The following TRAF3 variants were observed in gnomAD, a reference collection of about 807,000 sequenced individuals.
The protein encoded by TRAF3 is TNF receptor associated factor 3.
In TRAF3, 13 loss-of-function variants were observed where a neutral mutation model predicts 62.3. The ratio of observed to expected loss-of-function variants is 0.21; its 90% CI spans 0.14 to 0.33. The LOEUF is 0.33. Among genes scored for constraint, TRAF3 ranks in the 10% least tolerant of loss-of-function variants. The probability of loss-of-function intolerance (pLI) is 1.00; values close to 1 mark genes in which losing one functional copy is unlikely to be tolerated. For synonymous variants in TRAF3, 269 were observed against 283.4 expected (o/e 0.95, Z 0.51); for missense variants, 440 against 741.8 (o/e 0.59, Z 4.73).
At chr14:102,853,875 ACTAT>A (rs1887203623) in intron 2 of TRAF3, among the ~76,000 whole-genome samples, 1 of 151,382 alleles carries the variant, frequency 6.6e-6, no homozygotes, top group Non-Finnish European at 1.5e-5. Context: ...AACCATCACT[ACTAT>A]CTAATTTCAG....
chr14:102,796,473 CT>C (rs1348219298), intron 1 of TRAF3, among the ~76,000 whole-genome samples: 2 of 152,352 alleles, frequency 1.3e-5, no homozygotes, highest in East Asian at 3.9e-4. Flanking sequence ...GGAACCCCAA[CT>C]TGAAGCTGGT....
chr14:102,814,183 A>G (rs1350730491), intron 1 of TRAF3, among the ~76,000 whole-genome samples: 1 of 152,192 alleles, frequency 6.6e-6, no homozygotes, highest in Non-Finnish European at 1.5e-5. Context: ...CCTTTCCCCA[A>G]TGAATGTTCT....
At chr14:102,858,846 C>G (rs1284697176) in intron 2 of TRAF3, among the ~76,000 whole-genome samples, 2 of 152,170 alleles carry the variant, frequency 1.3e-5, no homozygotes, top group Non-Finnish European at 2.9e-5. Flanking sequence ...AGCCAAATTT[C>G]ACCATTGCAT....
At chr14:102,889,728 CT>C in intron 8 of TRAF3, 94 bp downstream of exon 8, 1 of 1,455,924 alleles carries the variant, frequency 6.9e-7, no homozygotes, top group South Asian at 1.1e-5. Flanking sequence ...CTCTGGACTC[CT>C]TATTCTTTGT....
intron 5 of TRAF3, among the ~76,000 whole-genome samples, chr14:102,876,157 A>G (rs372615899): frequency 6.6e-6 from 1 of 152,256 alleles, no homozygotes; most frequent in East Asian, 1.9e-4. Flanking sequence ...TTCTTCAACA[A>G]CAATATGGTT....
chr14:102,898,324 A>G (rs1344419801), intron 10 of TRAF3, among the ~76,000 whole-genome samples: 1 of 152,256 alleles, frequency 6.6e-6, no homozygotes, highest in African/African-American at 2.4e-5. Context: ...ATTAGATTGT[A>G]TTAGAAAAGG....
At chr14:102,900,362 G>A (rs773590324) in intron 10 of TRAF3, among the ~76,000 whole-genome samples, 7 of 152,098 alleles carry the variant, frequency 4.6e-5, no homozygotes, top group Non-Finnish European at 7.4e-5. Flanking sequence ...TTAGCTGGGC[G>A]CAGTGGCAGG....
chr14:102,886,200 C>T lies in TRAF3; in HGVS notation c.582C>T (p.Asp194=), dbSNP rs368161114. The T allele has an allele frequency of 2.5e-6, 4 of 1,613,248 alleles. No homozygotes were observed. Among genetic ancestry groups the T allele is most frequent in the Non-Finnish European group, 3.4e-6 (4 of 1,179,692 alleles). ...TTCTCTCTCTGTAGAAACACGAAGA[C>T]ACCGACTGTCCCTGCGTGGTGGTGT... ...VPMIALQKHE[D]TDCPCVVVSC... Residue 194 remains aspartate (D), a synonymous_variant, in exon 7 of 12, where the codon GAC becomes GAT. Transcript: ENST00000392745.
chr14:102,814,847 C>T (rs965668579), intron 1 of TRAF3, among the ~76,000 whole-genome samples: 1 of 152,172 alleles, frequency 6.6e-6, no homozygotes, highest in African/African-American at 2.4e-5. Flanking sequence ...TGATGGTGTT[C>T]TTTGATGTAC....
At chr14:102,788,626 C>T (rs922732529) in intron 1 of TRAF3, among the ~76,000 whole-genome samples, 7 of 152,262 alleles carry the variant, frequency 4.6e-5, no homozygotes, top group African/African-American at 9.6e-5. Context: ...GGTGAAACCC[C>T]GTCTCTACTA....
chr14:102,811,298 C>CTT (rs1187740539), intron 1 of TRAF3, among the ~76,000 whole-genome samples: 11 of 143,496 alleles, frequency 7.7e-5, no homozygotes, highest in Non-Finnish European at 1.4e-4. Context: ...CAATGGGTAC[C>CTT]TTTTTTTTTT....
chr14:102,852,212 C>A (rs1887086228), intron 2 of TRAF3, among the ~76,000 whole-genome samples: 1 of 152,214 alleles, frequency 6.6e-6, no homozygotes, highest in Non-Finnish European at 1.5e-5. Flanking sequence ...AAGTGATCCT[C>A]CTGCCTCAGC....
intron 2 of TRAF3, among the ~76,000 whole-genome samples, chr14:102,853,896 T>C (rs2139744627): frequency 6.6e-6 from 1 of 152,074 alleles, no homozygotes; most frequent in East Asian, 1.9e-4. Flanking sequence ...TCAGAATATT[T>C]CATCACCCCA....
At position 102,799,016 on chromosome 14, in the gene TRAF3, G is replaced by T. The variant is rs1332217862; in HGVS notation, c.-157+21341G>T. 4.6e-5 allele frequency among the ~76,000 whole-genome samples: 7 copies of T among 152,190 alleles called. No individual in the cohort carries two copies. The East Asian group carries it at 1.2e-3, about 25-fold the overall frequency. On this transcript the variant is annotated intron_variant, in intron 1 of 11. Coordinates refer to ENST00000392745, the MANE Select transcript of TRAF3 (RefSeq NM_145725.3). ...AGGACTCTTGTTCAGTTTACATGAG[G>T]AATTTAACCAAATGAGCTTCTGCAG...
In TRAF3 at chr14:102,816,322, C is replaced by T. The variant is rs111974366; in HGVS notation, c.-156-14012C>T. Among the ~76,000 whole-genome samples the T allele has an allele frequency of 7.1e-3, 1,081 of 152,078 alleles. 12 individuals carry two copies. Among genetic ancestry groups the T allele is most frequent in the Non-Finnish European group, 8.8e-3 (597 of 67,992 alleles). On this transcript the variant is annotated intron_variant, in intron 1 of 11. Coordinates refer to ENST00000392745, the MANE Select transcript of TRAF3 (RefSeq NM_145725.3). ...TTTACCATGTTGGCCAGGCTGGTCT[C>T]GAACTCCTGAGCTCAAGCAGTCCAC...
intron 2 of TRAF3, among the ~76,000 whole-genome samples, chr14:102,858,108 A>G (rs1310828296): frequency 1.3e-5 from 2 of 151,948 alleles, no homozygotes; most frequent in Non-Finnish European, 2.9e-5. Context: ...TGATATTCAT[A>G]ATCATTTCAG....
chr14:102,820,587 TATATATATATATATATATATATATA>T (rs1899849316), intron 1 of TRAF3, among the ~76,000 whole-genome samples: 3 of 6,336 alleles, frequency 4.7e-4, no homozygotes, highest in Admixed American at 1.7e-3. Flanking sequence ...TATATATATA[TATATATATATATATATATATATATA>T]TATTTTTTTT....
At chr14:102,876,693 C>G in intron 6 of TRAF3, 168 bp downstream of exon 6, 1 of 890,872 alleles carries the variant, frequency 1.1e-6, no homozygotes, top group East Asian at 2.7e-5. Context: ...GTTCCACAGG[C>G]CTTCCGCTCA....
intron 2 of TRAF3, among the ~76,000 whole-genome samples, chr14:102,869,905 G>A (rs1332213011): frequency 6.6e-6 from 1 of 151,912 alleles, no homozygotes; most frequent in African/African-American, 2.4e-5. Flanking sequence ...TCAACTCCTG[G>A]GCTCAGCAAT....
Sources: allele counts gnomAD v4.1 joint callset (sites outside exome capture counted in the v4.1 genomes callset), GRCh38; gene constraint gnomAD v4.1.1; transcripts MANE v1.5; gene names NCBI Gene and HGNC (gene_info 2026-07-23, HGNC 2026-07-21).